The following CNTNAP2 variants were observed in gnomAD, a reference collection of about 807,000 sequenced individuals.
CNTNAP2 encodes the protein contactin associated protein 2, also known as contactin-associated protein-like 2.
CNTNAP2 carries 98 observed loss-of-function variants against 155.2 expected under a neutral mutation model. That is an observed-to-expected ratio of 0.63 (90% CI 0.54 to 0.75). The LOEUF is 0.75. Among genes scored for constraint, CNTNAP2 ranks in the 30% least tolerant of loss-of-function variants. CNTNAP2 has a pLI of 0.00. For synonymous variants in CNTNAP2, 651 were observed against 631.2 expected (o/e 1.03, Z -0.47); for missense variants, 1,727 against 1,688.1 (o/e 1.02, Z -0.40).
At chr7:146,782,054 A>T (rs1030121862) in intron 2 of CNTNAP2, among the ~76,000 whole-genome samples, 17 of 152,204 alleles carry the variant, frequency 1.1e-4, no homozygotes, top group African/African-American at 4.1e-4. Context: ...CTTAGAATAT[A>T]ACATCAAGGC....
chr7:148,113,285 T>C (rs1044260262), intron 15 of CNTNAP2, among the ~76,000 whole-genome samples: 1 of 152,128 alleles, frequency 6.6e-6, no homozygotes, highest in African/African-American at 2.4e-5. Flanking sequence ...GATGTACACA[T>C]ACCCCGTGGA....
Position 148,298,677 on chromosome 7 carries a change from CA to C in CNTNAP2, c.3475+31552del, listed in dbSNP as rs1001126265. On this transcript the variant is annotated intron_variant, in intron 21 of 23. Coordinates refer to ENST00000361727, the MANE Select transcript of CNTNAP2 (RefSeq NM_014141.6). ...AGTTGACACTGAATATTAACCATCA[CA>C]CACAGACATATATACATATATATAT... Among the ~76,000 whole-genome samples, 538 of 152,216 alleles carry C rather than the reference CA, an allele frequency of 3.5e-3. 13 individuals are homozygous for C. Among genetic ancestry groups the C allele is most frequent in the East Asian group, 7.7e-4 (4 of 5,172 alleles).
intron 15 of CNTNAP2, among the ~76,000 whole-genome samples, chr7:148,034,958 G>A (rs948105596): frequency 6.6e-6 from 1 of 152,210 alleles, no homozygotes; most frequent in East Asian, 1.9e-4. Flanking sequence ...AATTGGCAAA[G>A]AACTTGGCTG....
chr7:146,476,475 T>C (rs759411838), intron 1 of CNTNAP2, among the ~76,000 whole-genome samples: 71 of 152,170 alleles, frequency 4.7e-4, no homozygotes, highest in Non-Finnish European at 6.6e-4. Context: ...TTTGATTTTT[T>C]TTATTTCTTT....
At chr7:147,010,097 C>A (rs1355518472) in intron 3 of CNTNAP2, among the ~76,000 whole-genome samples, 1 of 149,420 alleles carries the variant, frequency 6.7e-6, no homozygotes, top group African/African-American at 2.5e-5. Flanking sequence ...GCAACTTCCA[C>A]TTCCCGGGTT....
chr7:146,785,870 A>G (rs1802566816), intron 2 of CNTNAP2, among the ~76,000 whole-genome samples: 2 of 152,194 alleles, frequency 1.3e-5, no homozygotes, highest in South Asian at 4.1e-4. Context: ...TTTCACATAC[A>G]TGGCTTTCGA....
chr7:147,945,706 T>TATATAA lies in CNTNAP2; in HGVS notation c.2256-32155_2256-32154insTATAAA, dbSNP rs34411745. On this transcript the variant is annotated intron_variant, in intron 14 of 23. Transcript: ENST00000361727. ...AAAAGCCTTTATATATATATATATA[T>TATATAA]AACTAATCACAAACATGCTCAGACT... Among the ~76,000 whole-genome samples, 603 of 147,366 alleles carry TATATAA rather than the reference T, an allele frequency of 4.1e-3. 3 individuals are homozygous for TATATAA. The highest frequency in any genetic ancestry group is 0.014 in the Middle Eastern group (4 of 286).
intron 12 of CNTNAP2, among the ~76,000 whole-genome samples, chr7:147,577,136 T>A (rs1264471440): frequency 2.6e-5 from 4 of 152,098 alleles, no homozygotes; most frequent in African/African-American, 4.8e-5. Flanking sequence ...TGTTGCTTAG[T>A]TGTAACATGC....
At chr7:148,348,903 A>G (rs1265025254) in intron 21 of CNTNAP2, among the ~76,000 whole-genome samples, 2 of 152,210 alleles carry the variant, frequency 1.3e-5, no homozygotes, top group African/African-American at 4.8e-5. Context: ...ACAGACACAT[A>G]AAATGATTGA....
In CNTNAP2 at chr7:147,824,250, C is replaced by T. The variant is rs568990774; in HGVS notation, c.2099-79315C>T. On this transcript the variant is annotated intron_variant, in intron 13 of 23. Transcript: ENST00000361727. Reference sequence around the variant, plus strand: ...AAGCTTGCATTTCAGATTAAACTATCGCAGAGAGTAGAATTTCTTCCTTCC... The same window carrying T: ...AAGCTTGCATTTCAGATTAAACTATTGCAGAGAGTAGAATTTCTTCCTTCC... 9.2e-5 allele frequency among the ~76,000 whole-genome samples: 14 copies of T among 152,218 alleles called. No homozygotes were observed. In the East Asian group the frequency reaches 1.7e-3, roughly 19 times the overall value.
chr7:147,784,941 C>T (rs576781210), intron 13 of CNTNAP2, among the ~76,000 whole-genome samples: 15 of 152,012 alleles, frequency 9.9e-5, no homozygotes, highest in South Asian at 2.1e-4. Flanking sequence ...ACACCAGGGA[C>T]GATTCCCACT....
At chr7:146,135,917 A>G (rs758179032) in intron 1 of CNTNAP2, among the ~76,000 whole-genome samples, 2 of 152,044 alleles carry the variant, frequency 1.3e-5, no homozygotes, top group African/African-American at 2.4e-5. Context: ...GCTAATCTCA[A>G]TTACCCAAAT....
intron 12 of CNTNAP2, among the ~76,000 whole-genome samples, chr7:147,570,942 C>T (rs962613598): frequency 6.6e-6 from 1 of 152,144 alleles, no homozygotes; most frequent in African/African-American, 2.4e-5. Flanking sequence ...TCTTCATTAT[C>T]ATTGAAACTT....
At chr7:147,839,920 C>G (rs1196494420) in intron 13 of CNTNAP2, among the ~76,000 whole-genome samples, 21 of 134,176 alleles carry the variant, frequency 1.6e-4, no homozygotes, top group Middle Eastern at 4.0e-3. Context: ...TGTGTGTGTG[C>G]TGTGTATATA....
chr7:147,211,702 TAGA>T (rs1329226116), intron 8 of CNTNAP2, among the ~76,000 whole-genome samples: 2 of 152,016 alleles, frequency 1.3e-5, no homozygotes, highest in Non-Finnish European at 2.9e-5. Context: ...ATAAGAATCC[TAGA>T]AGAAGACCTA....
chr7:147,962,143 G>A (rs989491406), intron 14 of CNTNAP2, among the ~76,000 whole-genome samples: 2 of 152,338 alleles, frequency 1.3e-5, no homozygotes, highest in South Asian at 4.1e-4. Context: ...CACCAGACCA[G>A]GCAGTGCCTG....
intron 20 of CNTNAP2, among the ~76,000 whole-genome samples, chr7:148,235,685 A>ATTTTTTTT (rs398006723): frequency 1.6e-5 from 2 of 121,984 alleles, no homozygotes; most frequent in Admixed American, 9.5e-5. Context: ...TGCAGCAATT[A>ATTTTTTTT]TTTTTTTTTT....
chr7:148,328,684 A>C (rs780894512), intron 21 of CNTNAP2, among the ~76,000 whole-genome samples: 4 of 152,050 alleles, frequency 2.6e-5, no homozygotes, highest in Non-Finnish European at 5.9e-5. Context: ...GAAAGACCCA[A>C]ACAAGCTGGG....
At chr7:147,750,981 A>G (rs1234858626) in intron 13 of CNTNAP2, among the ~76,000 whole-genome samples, 3 of 152,170 alleles carry the variant, frequency 2.0e-5, no homozygotes, top group African/African-American at 4.8e-5. Context: ...CGGAGCTTGC[A>G]GTGAGCCGAG....
Sources: gnomAD v4.1 joint callset for allele counts (sites outside exome capture counted in the v4.1 genomes callset) on GRCh38, gnomAD v4.1.1 for gene constraint, MANE v1.5 for transcripts, NCBI Gene and HGNC (gene_info 2026-07-23, HGNC 2026-07-21) for gene names.